Variants in CNTNAP4 observed in about 807,000 individuals in gnomAD.
The protein encoded by CNTNAP4 is contactin-associated protein-like 4.
Under a neutral mutation model 148.4 loss-of-function variants are expected in CNTNAP4, and 98 were observed. The ratio of observed to expected loss-of-function variants is 0.66; its 90% confidence interval spans 0.56 to 0.78. The LOEUF (loss-of-function observed/expected upper bound fraction) is 0.78. Ranked by LOEUF, CNTNAP4 falls within the 30% of genes least tolerant of loss-of-function variation. CNTNAP4 has a pLI of 0.00. For synonymous variants in CNTNAP4, 730 were observed against 565.1 expected, an observed-to-expected ratio of 1.29 and a Z score of -4.14; for missense variants, 1,935 against 1,565.6, an observed-to-expected ratio of 1.24 and a Z score of -3.98.
At chr16:76,408,175 A>G (rs2078666048) in intron 3 of CNTNAP4, among the ~76,000 whole-genome samples, 1 of 152,098 alleles carries the variant, frequency 6.6e-6, no homozygotes, top group African/African-American at 2.4e-5. Context: ...GAAACAAAAA[A>G]CTTGATGTGA....
intron 3 of CNTNAP4, among the ~76,000 whole-genome samples, chr16:76,384,403 C>T (rs1006157432): frequency 1.1e-4 from 17 of 152,048 alleles, no homozygotes; most frequent in African/African-American, 4.1e-4. Flanking sequence ...CAGTAATGAG[C>T]ACCATGAGGA....
At chr16:76,296,705 T>A (rs1959340999) in intron 1 of CNTNAP4, among the ~76,000 whole-genome samples, 2 of 152,194 alleles carry the variant, frequency 1.3e-5, no homozygotes, top group South Asian at 2.1e-4. Flanking sequence ...GTACAAATGG[T>A]ACTACTTTTG....
At chr16:76,386,295 T>G (rs937891038) in intron 3 of CNTNAP4, among the ~76,000 whole-genome samples, 1 of 152,226 alleles carries the variant, frequency 6.6e-6, no homozygotes, top group African/African-American at 2.4e-5. Flanking sequence ...ATAATCTGTT[T>G]ATAAAAACTA....
chr16:76,445,677 A>C (rs2080212125), intron 4 of CNTNAP4, among the ~76,000 whole-genome samples: 1 of 152,206 alleles, frequency 6.6e-6, no homozygotes, highest in African/African-American at 2.4e-5. Flanking sequence ...ATGTAATAAT[A>C]ACAGCAGCGA....
At chr16:76,369,379 A>G (rs1316575732) in intron 3 of CNTNAP4, among the ~76,000 whole-genome samples, 1 of 152,236 alleles carries the variant, frequency 6.6e-6, no homozygotes, top group East Asian at 1.9e-4. Context: ...CCAAGTATAT[A>G]CATGAAATGG....
chr16:76,339,939 A>G (rs1964331681), intron 2 of CNTNAP4, among the ~76,000 whole-genome samples: 2 of 152,230 alleles, frequency 1.3e-5, no homozygotes, highest in Non-Finnish European at 2.9e-5. Flanking sequence ...GAAAGTTGAT[A>G]TTTTAACTGC....
intron 3 of CNTNAP4, among the ~76,000 whole-genome samples, chr16:76,357,263 A>G (rs2012806496): frequency 6.6e-6 from 1 of 152,206 alleles, no homozygotes; most frequent in South Asian, 2.1e-4. Flanking sequence ...TTTAACCTAG[A>G]TAAGTAGTGG....
intron 2 of CNTNAP4, among the ~76,000 whole-genome samples, chr16:76,319,724 G>A (rs190605688): frequency 4.5e-4 from 68 of 152,242 alleles, no homozygotes; most frequent in African/African-American, 1.6e-3. Context: ...AGATTGGAGT[G>A]ATACAGCTGC....
intron 3 of CNTNAP4, among the ~76,000 whole-genome samples, chr16:76,413,291 C>G (rs185451398): frequency 6.6e-6 from 1 of 151,484 alleles, no homozygotes; most frequent in East Asian, 1.9e-4. Context: ...CATCTGTCTA[C>G]TCTCTATGTC....
intron 15 of CNTNAP4, among the ~76,000 whole-genome samples, chr16:76,514,419 C>A (rs140893114): frequency 6.6e-6 from 1 of 152,248 alleles, no homozygotes; most frequent in African/African-American, 2.4e-5. Context: ...AATATCAAAA[C>A]AGTTTTGTGC....
chr16:76,473,329 C>T (rs539453498), intron 10 of CNTNAP4, among the ~76,000 whole-genome samples: 32 of 152,280 alleles, frequency 2.1e-4, no homozygotes, highest in African/African-American at 7.5e-4. Flanking sequence ...CATTCATACA[C>T]AGTGAGATTG....
At chr16:76,489,049 A>G (rs1046774053) in intron 12 of CNTNAP4, among the ~76,000 whole-genome samples, 1 of 152,290 alleles carries the variant, frequency 6.6e-6, no homozygotes, top group East Asian at 1.9e-4. Flanking sequence ...CAAAATGAGT[A>G]TTTCAAATTT....
chr16:76,419,545 A>C (rs1009153326), intron 3 of CNTNAP4, among the ~76,000 whole-genome samples: 2 of 151,966 alleles, frequency 1.3e-5, no homozygotes, highest in African/African-American at 4.8e-5. Flanking sequence ...CCAGAGATTC[A>C]CCAAAATTAT....
intron 6 of CNTNAP4, 39 bp downstream of exon 6, chr16:76,448,990 T>C (rs367662602): frequency 1.4e-5 from 22 of 1,567,982 alleles, no homozygotes; most frequent in Admixed American, 1.8e-5. Flanking sequence ...GATTTTATTA[T>C]GTATATGTGG....
intron 2 of CNTNAP4, among the ~76,000 whole-genome samples, chr16:76,332,345 C>G (rs1963604474): frequency 6.6e-6 from 1 of 152,120 alleles, no homozygotes; most frequent in Non-Finnish European, 1.5e-5. Flanking sequence ...ACTGCAGCCT[C>G]CACCTCTTAG....
intron 1 of CNTNAP4, among the ~76,000 whole-genome samples, chr16:76,285,895 C>A (rs993235660): frequency 6.6e-6 from 1 of 151,802 alleles, no homozygotes; most frequent in South Asian, 2.1e-4. Flanking sequence ...CACAGAGACC[C>A]CCACATTTTC....
rs955907709 is a variant in CNTNAP4 at position 76,449,095 on chromosome 16, G to C, written c.927+144G>C. 8.2e-6 allele frequency: 6 copies of C among 732,110 alleles called. No homozygotes were observed. The African/African-American group carries it at 1.1e-4, about 13-fold the overall frequency. 45.4% of individuals were successfully genotyped at this position (732,110 alleles called of 1,614,324 possible). A position where few individuals can be genotyped will look rare whatever the true frequency, so the allele number is the denominator to read the frequency against. On this transcript the variant is annotated intron_variant, in intron 6 of 23. Transcript: ENST00000611870. ...ATTTCCCAAGGCAGTCTAACTCACAGTGGCAGCTTTCGGTGTATAGTACTT... is the reference window on the plus strand; with the variant it reads ...ATTTCCCAAGGCAGTCTAACTCACACTGGCAGCTTTCGGTGTATAGTACTT...
In CNTNAP4 at chr16:76,449,805, G is replaced by T; in HGVS notation, c.1018G>T (p.Gly340Ter). ...HGCLENLYYN[G>*]VDIIDLAKQQ... ...ATGTTTAGAAAATCTCTATTATAAT[G>T]GAGTGGATATCATTGATTTGGCCAA... Residue 340 changes from glycine to a stop codon, truncating the protein, a stop_gained, in exon 7 of 24, where the codon GGA (glycine) becomes TGA (stop). Transcript: ENST00000611870. LOFTEE classifies it high-confidence loss of function. 6.2e-7 allele frequency: 1 copy of T among 1,605,230 alleles called. No homozygotes were observed. Among genetic ancestry groups the T allele is most frequent in the Non-Finnish European group, 8.5e-7 (1 of 1,175,646 alleles).
At chr16:76,488,478 T>A (rs1287933020) in intron 12 of CNTNAP4, among the ~76,000 whole-genome samples, 1 of 152,138 alleles carries the variant, frequency 6.6e-6, no homozygotes, top group Non-Finnish European at 1.5e-5. Context: ...GCCTCTCTAA[T>A]CCAAACTCTG....
Sources: allele counts gnomAD v4.1 joint callset (sites outside exome capture counted in the v4.1 genomes callset), GRCh38; gene constraint gnomAD v4.1.1; transcripts MANE v1.5; gene names NCBI Gene and HGNC (gene_info 2026-07-23, HGNC 2026-07-21).